GLRB: variants seen among roughly 807,000 people sequenced by gnomAD.
GLRB encodes glycine receptor subunit beta.
GLRB carries 33 observed loss-of-function variants against 54.2 expected under a neutral mutation model. That is an observed-to-expected ratio of 0.61 (90% CI 0.46 to 0.81). GLRB has a LOEUF of 0.81. GLRB is among the 40% of genes least tolerant of loss of function. The pLI is 0.00. For synonymous variants in GLRB, 209 were observed against 208.2 expected, an observed-to-expected ratio of 1.00 and a Z score of -0.03; for missense variants, 572 against 584.6, an observed-to-expected ratio of 0.98 and a Z score of 0.22.
chr4:157,133,070 C>T (rs1736274556), intron 4 of GLRB, among the ~76,000 whole-genome samples: 2 of 151,782 alleles, frequency 1.3e-5, no homozygotes, highest in Non-Finnish European at 2.9e-5. Flanking sequence ...TAATGTTTAG[C>T]AGCCAACTAA....
chr4:157,144,585 A>G (rs1034379610), intron 8 of GLRB, among the ~76,000 whole-genome samples: 2 of 152,236 alleles, frequency 1.3e-5, no homozygotes, highest in Non-Finnish European at 2.9e-5. Context: ...TCCTATGGAT[A>G]AATTGAATAA....
In GLRB at chr4:157,122,295, C is replaced by T. The variant is rs371187628; in HGVS notation, c.230-35C>T. 2.3e-5 allele frequency: 19 copies of T among 839,664 alleles called. No homozygotes were observed. In the African/African-American group the frequency reaches 2.8e-4, roughly 12 times the overall value. The allele number at this position is 839,664 out of a possible 1,614,324, so 52.0% of individuals were successfully genotyped here. A position where few individuals can be genotyped will look rare whatever the true frequency, so the allele number is the denominator to read the frequency against. The stretch of plus-strand genomic sequence containing the variant: ...ATGATGATTCTGACCAAGTTTTTTA[C>T]AGCTAATAAATATATTCTTAATTTT... On this transcript the variant is annotated intron_variant, in intron 3 of 9. Transcript: ENST00000264428.
At chr4:157,161,108 A>G (rs970454748) in intron 9 of GLRB, among the ~76,000 whole-genome samples, 38 of 151,648 alleles carry the variant, frequency 2.5e-4, no homozygotes, top group Non-Finnish European at 5.2e-4. Flanking sequence ...GTCTCTTTTG[A>G]TCTTTGTTGG....
chr4:157,118,273 A>G (rs973686623), intron 2 of GLRB, among the ~76,000 whole-genome samples: 8 of 151,722 alleles, frequency 5.3e-5, no homozygotes, highest in Non-Finnish European at 8.9e-5. Context: ...TTGATCCAAT[A>G]CAAGTGTATT....
chr4:157,111,106 T>G (rs1162384001), intron 2 of GLRB, among the ~76,000 whole-genome samples: 1 of 151,948 alleles, frequency 6.6e-6, no homozygotes, highest in Non-Finnish European at 1.5e-5. Flanking sequence ...AGTGGTCTAG[T>G]GTATACTGGG....
chr4:157,108,770 T>C (rs1225412468), intron 2 of GLRB, among the ~76,000 whole-genome samples: 1 of 152,060 alleles, frequency 6.6e-6, no homozygotes, highest in African/African-American at 2.4e-5. Context: ...TGAAAGATGT[T>C]CTGTAGATAA....
At position 157,152,936 on chromosome 4, in the gene GLRB, G is replaced by A. The variant is rs1226230504; in HGVS notation, c.1123G>A (p.Gly375Arg). 6.2e-7 allele frequency: 1 copy of A among 1,613,934 alleles called. No individual in the cohort carries two copies. Among genetic ancestry groups the A allele is most frequent in the Admixed American group, 1.7e-5 (1 of 59,986 alleles). The change falls in exon 9 of 10, where the codon GGA becomes AGA. Residue 375 changes from glycine (G) to arginine (R), a missense_variant. Transcript: ENST00000264428. ...AATTGCTAAGGCTGAGCAAGCAGAT[G>A]GAAAAGGTGGAAATGTGGCTAAAAA... Reference protein sequence around the residue: ...ARIAKAEQADGKGGNVAKKNT... With the variant: ...ARIAKAEQADRKGGNVAKKNT...
In GLRB at chr4:157,106,925, G is replaced by A. The variant is rs566339173; in HGVS notation, c.123-13631G>A. On this transcript the variant is annotated intron_variant, in intron 2 of 9. Transcript: ENST00000264428. ...TTAAAGGTTTGCGGCAACCTGCTTT[G>A]AGCTAGTGTGTTGGCATCATTTTTC... Among the ~76,000 whole-genome samples the A allele has an allele frequency of 6.6e-5, 10 of 152,096 alleles. No individual in the cohort carries two copies. In the South Asian group the frequency reaches 2.1e-3, roughly 32 times the overall value.
chr4:157,130,620 C>T (rs1437856687), intron 4 of GLRB, among the ~76,000 whole-genome samples: 1 of 151,500 alleles, frequency 6.6e-6, no homozygotes, highest in Non-Finnish European at 1.5e-5. Context: ...TGTGAATGTA[C>T]CTACCAAATT....
intron 7 of GLRB, among the ~76,000 whole-genome samples, chr4:157,143,231 T>A (rs1736681890): frequency 6.6e-6 from 1 of 152,148 alleles, no homozygotes; most frequent in African/African-American, 2.4e-5. Context: ...ATACATCTTT[T>A]ATGTATATGG....
chr4:157,111,140 T>C (rs1284967111), intron 2 of GLRB, among the ~76,000 whole-genome samples: 2 of 151,900 alleles, frequency 1.3e-5, no homozygotes, highest in Non-Finnish European at 2.9e-5. Context: ...CTGAGACAGA[T>C]GAGAGAAAAG....
chr4:157,157,704 G>T (rs1737289706), intron 9 of GLRB, among the ~76,000 whole-genome samples: 1 of 152,186 alleles, frequency 6.6e-6, no homozygotes, highest in East Asian at 1.9e-4. Flanking sequence ...ATTCCATGGT[G>T]TATGTGTGCC....
intron 4 of GLRB, among the ~76,000 whole-genome samples, chr4:157,133,484 T>C (rs541510459): frequency 2.0e-5 from 3 of 152,104 alleles, no homozygotes; most frequent in African/African-American, 7.2e-5. Context: ...GGTTTTTGTT[T>C]TATGTTTACA....
intron 2 of GLRB, among the ~76,000 whole-genome samples, chr4:157,083,272 T>G (rs1734290719): frequency 6.6e-6 from 1 of 152,056 alleles, no homozygotes; most frequent in African/African-American, 2.4e-5. Flanking sequence ...TTGAAAATTG[T>G]CTCCAAAGTT....
intron 7 of GLRB, among the ~76,000 whole-genome samples, chr4:157,140,258 A>G (rs1342960139): frequency 6.6e-6 from 1 of 152,036 alleles, no homozygotes; most frequent in African/African-American, 2.4e-5. Flanking sequence ...ATAATAAGAT[A>G]TGGAAGTGAT....
chr4:157,161,338 T>A (rs538804585), intron 9 of GLRB, among the ~76,000 whole-genome samples: 1 of 152,262 alleles, frequency 6.6e-6, no homozygotes, highest in African/African-American at 2.4e-5. Flanking sequence ...ACATTTAAGG[T>A]TAATATTGTT....
At chr4:157,119,537 T>A (rs1560952957) in intron 2 of GLRB, among the ~76,000 whole-genome samples, 2 of 151,702 alleles carry the variant, frequency 1.3e-5, no homozygotes, top group Non-Finnish European at 3.0e-5. Flanking sequence ...AATTTTACTT[T>A]ATAGAAAGTA....
chr4:157,089,938 T>G (rs543556982), intron 2 of GLRB, among the ~76,000 whole-genome samples: 10 of 152,346 alleles, frequency 6.6e-5, no homozygotes, highest in African/African-American at 2.4e-4. Flanking sequence ...ACTTTCATCA[T>G]CTCATCAATT....
chr4:157,131,757 T>C (rs766533731), intron 4 of GLRB, among the ~76,000 whole-genome samples: 7 of 151,848 alleles, frequency 4.6e-5, no homozygotes, highest in Non-Finnish European at 7.4e-5. Flanking sequence ...ATGGCTTGAT[T>C]GTTCAGTTCT....
Sources: gnomAD v4.1 joint callset for allele counts (sites outside exome capture counted in the v4.1 genomes callset) on GRCh38, gnomAD v4.1.1 for gene constraint, MANE v1.5 for transcripts, NCBI Gene and HGNC (gene_info 2026-07-23, HGNC 2026-07-21) for gene names.